The following CNST variants were observed in gnomAD, a reference collection of about 807,000 sequenced individuals.
CNST encodes the protein consortin.
CNST carries 39 observed loss-of-function variants against 72.4 expected under a neutral mutation model. That is an observed-to-expected ratio of 0.54 (90% confidence interval 0.42 to 0.70). The LOEUF (loss-of-function observed/expected upper bound fraction) is 0.70. CNST is among the 30% of genes least tolerant of loss of function. The pLI is 0.00. For synonymous variants in CNST, 332 were observed against 320.1 expected, an observed-to-expected ratio of 1.04 and a Z score of -0.40; for missense variants, 871 against 868.5, an observed-to-expected ratio of 1.00 and a Z score of -0.04.
intron 2 of CNST, among the ~76,000 whole-genome samples, chr1:246,600,167 A>G (rs1259227693): frequency 6.6e-6 from 1 of 152,234 alleles, no homozygotes; most frequent in Non-Finnish European, 1.5e-5. Flanking sequence ...CTCACAAGAC[A>G]AGAAGAGAGC....
chr1:246,595,689 T>G (rs897897734), intron 2 of CNST, among the ~76,000 whole-genome samples: 1 of 152,072 alleles, frequency 6.6e-6, no homozygotes, highest in Non-Finnish European at 1.5e-5. Context: ...AAACCAGAAA[T>G]GCAGTTTTTT....
intron 1 of CNST, among the ~76,000 whole-genome samples, chr1:246,575,851 C>G (rs1660368343): frequency 6.6e-6 from 1 of 152,062 alleles, no homozygotes; most frequent in African/African-American, 2.4e-5. Flanking sequence ...TAAAAATTCC[C>G]TATTTTTATT....
intron 10 of CNST, 98 bp from the exon 11 acceptor site, chr1:246,665,602 A>G (rs1261465170): frequency 4.1e-6 from 4 of 986,228 alleles, no homozygotes; most frequent in Non-Finnish European, 6.3e-6. Flanking sequence ...GAGGACCAAC[A>G]GTAGAAATGT....
At chr1:246,615,578 T>C (rs1000891151) in intron 2 of CNST, among the ~76,000 whole-genome samples, 1 of 145,864 alleles carries the variant, frequency 6.9e-6, no homozygotes, top group African/African-American at 2.5e-5. Context: ...CTGGGTAACA[T>C]AATGAAACCC....
In CNST at chr1:246,633,685, G is replaced by T. The variant is rs1342640062; in HGVS notation, c.617-239G>T. Among the ~76,000 whole-genome samples, 5 of 149,264 alleles carry T rather than the reference G, an allele frequency of 3.3e-5. No homozygotes were observed. The East Asian group carries it at 9.9e-4, about 30-fold the overall frequency. On this transcript the variant is annotated intron_variant, in intron 4 of 10. Coordinates refer to ENST00000366513, the MANE Select transcript of CNST (RefSeq NM_152609.3). ...TTGAACCCGGGAGGTGGAGGTTGTA[G>T]TGAGCTGAGATTGCCCCACTGCACT...
At chr1:246,575,327 A>G (rs948238126) in intron 1 of CNST, among the ~76,000 whole-genome samples, 10 of 152,340 alleles carry the variant, frequency 6.6e-5, no homozygotes, top group Non-Finnish European at 1.2e-4. Flanking sequence ...ATGTCCATCA[A>G]CTGATGAATA....
intron 6 of CNST, among the ~76,000 whole-genome samples, chr1:246,640,051 A>G (rs1308860996): frequency 1.3e-5 from 2 of 152,066 alleles, no homozygotes; most frequent in Non-Finnish European, 2.9e-5. Context: ...CTGAGGAGGG[A>G]GGAGTTATTC....
intron 2 of CNST, among the ~76,000 whole-genome samples, chr1:246,602,537 AAGAG>A (rs1198976776): frequency 6.6e-6 from 1 of 152,112 alleles, no homozygotes; most frequent in African/African-American, 2.4e-5. Flanking sequence ...CTAGCAGTCA[AAGAG>A]AGAGAGCACT....
intron 3 of CNST, among the ~76,000 whole-genome samples, chr1:246,623,694 G>A (rs771251509): frequency 2.0e-4 from 30 of 151,220 alleles, no homozygotes; most frequent in Admixed American, 8.6e-4. Flanking sequence ...CCCAGGAGGC[G>A]GAGGTTGCAG....
intron 6 of CNST, among the ~76,000 whole-genome samples, chr1:246,637,688 A>G (rs1157189895): frequency 6.6e-6 from 1 of 152,176 alleles, no homozygotes; most frequent in African/African-American, 2.4e-5. Context: ...TGTAAGGTGC[A>G]TGGAGAACCC....
At chr1:246,618,929 T>C (rs3129552) in intron 2 of CNST, among the ~76,000 whole-genome samples, 73,514 of 151,990 alleles carry the variant, frequency 0.48, 18,663 homozygotes, top group Non-Finnish European at 0.56. Flanking sequence ...ACTTTGAAAG[T>C]CCATCCTTCT....
At chr1:246,575,636 T>A (rs1660355466) in intron 1 of CNST, among the ~76,000 whole-genome samples, 1 of 151,874 alleles carries the variant, frequency 6.6e-6, no homozygotes, top group South Asian at 2.1e-4. Flanking sequence ...CTTTTCGGGG[T>A]GATAAGATGT....
chr1:246,626,592 G>A (rs1180288539), intron 3 of CNST, among the ~76,000 whole-genome samples: 1 of 151,064 alleles, frequency 6.6e-6, no homozygotes, highest in East Asian at 2.0e-4. Context: ...AAGTAGCTGG[G>A]ATTACAGGCA....
intron 9 of CNST, among the ~76,000 whole-genome samples, chr1:246,653,497 A>G (rs1036793741): frequency 6.6e-6 from 1 of 152,226 alleles, no homozygotes; most frequent in Non-Finnish European, 1.5e-5. Flanking sequence ...CAGCCTCCTC[A>G]CAATAGAAGA....
At chr1:246,621,076 T>TA (rs1430891309) in intron 2 of CNST, among the ~76,000 whole-genome samples, 4 of 152,272 alleles carry the variant, frequency 2.6e-5, no homozygotes, top group Non-Finnish European at 5.9e-5. Flanking sequence ...TAACAGTGTT[T>TA]AAAATTTGGT....
intron 1 of CNST, chr1:246,569,829 A>C: frequency 3.1e-6 from 1 of 326,578 alleles, no homozygotes; most frequent in African/African-American, 2.2e-5. Context: ...TGTCATTGTT[A>C]CTAGTTATTT....
intron 3 of CNST, among the ~76,000 whole-genome samples, chr1:246,629,200 G>A (rs759796348): frequency 1.4e-4 from 22 of 152,270 alleles, no homozygotes; most frequent in Admixed American, 6.5e-4. Flanking sequence ...CAGCTGGTAA[G>A]TGGCAGGGCT....
At position 246,618,934 on chromosome 1, in the gene CNST, C is replaced by T. The variant is rs150801104; in HGVS notation, c.380-2495C>T. 1.2e-4 allele frequency among the ~76,000 whole-genome samples: 18 copies of T among 152,228 alleles called. 1 individual carries two copies. The East Asian group carries it at 3.5e-3, about 29-fold the overall frequency. On this transcript the variant is annotated intron_variant, in intron 2 of 10. Coordinates refer to ENST00000366513, the MANE Select transcript of CNST (RefSeq NM_152609.3). ...TTTTTCCTTAACTTTGAAAGTCCAT[C>T]CTTCTTTGGCAATAGTCTTCAAGGG...
At chr1:246,662,585 T>C (rs1412006447) in intron 10 of CNST, among the ~76,000 whole-genome samples, 1 of 152,142 alleles carries the variant, frequency 6.6e-6, no homozygotes, top group Non-Finnish European at 1.5e-5. Flanking sequence ...GACAGGGGGT[T>C]TCACCATGTT....
Sources: allele counts gnomAD v4.1 joint callset (sites outside exome capture counted in the v4.1 genomes callset), GRCh38; gene constraint gnomAD v4.1.1; transcripts MANE v1.5; gene names NCBI Gene and HGNC (gene_info 2026-07-23, HGNC 2026-07-21).